VPS13B: variants seen among roughly 807,000 people sequenced by gnomAD.
The protein encoded by VPS13B is vacuolar protein sorting 13 homolog B.
A neutral mutation model predicts 426.4 loss-of-function variants in VPS13B; 285 were observed. The ratio of observed to expected loss-of-function variants is 0.67; its 90% CI spans 0.61 to 0.74. The LOEUF is 0.74. Among genes scored for constraint, VPS13B ranks in the 30% least tolerant of loss-of-function variants. VPS13B has a pLI of 0.00. For synonymous variants in VPS13B, 1,676 were observed against 1,676.4 expected (o/e 1.00, Z 0.01); for missense variants, 4,537 against 4,782.6 (o/e 0.95, Z 1.51).
chr8:99,853,966 A>C lies in VPS13B; in HGVS notation c.10577A>C (p.Asn3526Thr), dbSNP rs769762177. The C allele has an allele frequency of 1.2e-6, 2 of 1,614,196 alleles. No individual in the cohort carries two copies. Among genetic ancestry groups the C allele is most frequent in the East Asian group, 2.2e-5 (1 of 44,882 alleles). ...IKTLFDTYLP[N>T]SRLAGHSTHL... is the part of the protein sequence containing the mutation. ...ACTTTGTTTGACACCTACCTTCCTA[A>C]CAGCAGGTTGGCTGGTCACTCCACA... Residue 3526 changes from asparagine to threonine, a missense_variant, in exon 56 of 62, where the codon AAC becomes ACC. Asn to Thr is a moderately conservative substitution (Grantham distance 65). Transcript: ENST00000357162.
chr8:99,564,357 G>A (rs1825085502), intron 31 of VPS13B, among the ~76,000 whole-genome samples: 1 of 152,180 alleles, frequency 6.6e-6, no homozygotes, highest in African/African-American at 2.4e-5. Context: ...CAACCCTCCT[G>A]AAGCACTTGA....
chr8:99,377,266 A>G (rs1425259733), intron 19 of VPS13B, among the ~76,000 whole-genome samples: 2 of 152,056 alleles, frequency 1.3e-5, no homozygotes, highest in East Asian at 1.9e-4. Context: ...TAAAAACCAT[A>G]TTGTCTCTTC....
Position 99,684,958 on chromosome 8 carries a change from A to AC in VPS13B, c.6047-14567_6047-14566insC, listed in dbSNP as rs1563861747. ...GCTGGGATTACAGGCACCTGCCACCAACCTGGCTAATTTTTTGTATTTTTA... is the reference window on the plus strand; with the variant it reads ...GCTGGGATTACAGGCACCTGCCACCACACCTGGCTAATTTTTTGTATTTTTA... On this transcript the variant is annotated intron_variant, in intron 35 of 61. Transcript: ENST00000357162. Among the ~76,000 whole-genome samples, 2 of 152,212 alleles carry AC rather than the reference A, an allele frequency of 1.3e-5. 1 individual carries two copies. The highest frequency in any genetic ancestry group is 4.1e-4 in the South Asian group (2 of 4,824).
intron 43 of VPS13B, among the ~76,000 whole-genome samples, chr8:99,801,054 C>A (rs1813096627): frequency 6.6e-6 from 1 of 152,138 alleles, no homozygotes; most frequent in Non-Finnish European, 1.5e-5. Context: ...CAAACAGTGA[C>A]TTTCTTGTCA....
chr8:99,574,960 T>G (rs1825704971), intron 31 of VPS13B, among the ~76,000 whole-genome samples: 1 of 152,074 alleles, frequency 6.6e-6, no homozygotes, highest in Non-Finnish European at 1.5e-5. Context: ...GCCTAGGAGT[T>G]CAAGACCAGC....
At chr8:99,592,183 C>T (rs1056148957) in intron 33 of VPS13B, among the ~76,000 whole-genome samples, 4 of 152,194 alleles carry the variant, frequency 2.6e-5, no homozygotes, top group African/African-American at 9.6e-5. Flanking sequence ...TTAAGGTCTT[C>T]TCTACACTGT....
At chr8:99,223,039 G>T (rs140260452) in intron 17 of VPS13B, among the ~76,000 whole-genome samples, 31 of 152,212 alleles carry the variant, frequency 2.0e-4, no homozygotes, top group African/African-American at 7.2e-4. Context: ...GTTTCACCAG[G>T]CTGGGGTTGA....
At chr8:99,577,784 T>C in intron 33 of VPS13B, 151 bp downstream of exon 33, 2 of 1,107,564 alleles carry the variant, frequency 1.8e-6, no homozygotes, top group Non-Finnish European at 2.6e-6. Flanking sequence ...TTTGGATTGA[T>C]ATTCTTTATT....
intron 31 of VPS13B, among the ~76,000 whole-genome samples, chr8:99,565,679 T>G (rs1330847241): frequency 6.6e-6 from 1 of 152,174 alleles, no homozygotes; most frequent in Non-Finnish European, 1.5e-5. Flanking sequence ...TAGTGATTAA[T>G]CAAACATGAG....
At chr8:99,492,653 T>C (rs574658522) in intron 25 of VPS13B, among the ~76,000 whole-genome samples, 1 of 152,326 alleles carries the variant, frequency 6.6e-6, no homozygotes, top group East Asian at 1.9e-4. Flanking sequence ...CAAGCCTCCC[T>C]GGGAGTGGGA....
At chr8:99,156,856 A>C in intron 15 of VPS13B, 113 bp downstream of exon 15, 1 of 944,842 alleles carries the variant, frequency 1.1e-6, no homozygotes. Flanking sequence ...CTAAAAGGTA[A>C]GATTTAAATA....
At chr8:99,070,778 A>G (rs1471900157) in intron 3 of VPS13B, among the ~76,000 whole-genome samples, 1 of 151,744 alleles carries the variant, frequency 6.6e-6, no homozygotes, top group Non-Finnish European at 1.5e-5. Context: ...TCAGTCTTCC[A>G]TTATTCTTTT....
chr8:99,858,081 C>G, intron 56 of VPS13B, among the ~76,000 whole-genome samples: 1 of 152,196 alleles, frequency 6.6e-6, no homozygotes. Context: ...CAGGACTGTC[C>G]TCCTCTTCAG....
intron 43 of VPS13B, among the ~76,000 whole-genome samples, chr8:99,795,873 T>C (rs772942926): frequency 3.2e-4 from 49 of 152,324 alleles, no homozygotes; most frequent in Non-Finnish European, 5.9e-4. Context: ...ATCTTTTATG[T>C]CCTAGCCTCA....
At chr8:99,764,772 A>G (rs964391803) in intron 39 of VPS13B, among the ~76,000 whole-genome samples, 5 of 152,116 alleles carry the variant, frequency 3.3e-5, no homozygotes, top group African/African-American at 1.2e-4. Context: ...ATAGATCTGC[A>G]TGTTACATGT....
intron 19 of VPS13B, among the ~76,000 whole-genome samples, chr8:99,314,660 A>G (rs1338864568): frequency 1.3e-5 from 2 of 152,106 alleles, no homozygotes; most frequent in Non-Finnish European, 2.9e-5. Context: ...TGTTTTGTCC[A>G]GGCTGGTGTG....
chr8:99,699,455 G>C (rs1832179584), intron 35 of VPS13B, 70 bp from the exon 36 acceptor site: 20 of 1,547,940 alleles, frequency 1.3e-5, no homozygotes, highest in Non-Finnish European at 1.8e-5. Context: ...GTAGGAGCTT[G>C]TCAGAGAAGT....
In VPS13B at chr8:99,299,462, G is replaced by A. The variant is rs1820239923; in HGVS notation, c.2824+24208G>A. ...AAATTATGCACATAAAGTATGTAGT[G>A]CAGTTTTTTGGCAAATATTTCTTGT... On this transcript the variant is annotated intron_variant, in intron 19 of 61. Coordinates refer to ENST00000357162, the MANE Select transcript of VPS13B (RefSeq NM_152564.5). Among the ~76,000 whole-genome samples the A allele has an allele frequency of 2.0e-5, 3 of 152,216 alleles. No individual in the cohort carries two copies. The South Asian group carries it at 6.2e-4, about 32-fold the overall frequency.
At chr8:99,482,525 A>G (rs1273538504) in intron 25 of VPS13B, among the ~76,000 whole-genome samples, 1 of 152,218 alleles carries the variant, frequency 6.6e-6, no homozygotes, top group Non-Finnish European at 1.5e-5. Flanking sequence ...GAATAGTCAC[A>G]TGCAATTACT....
Sources: gnomAD v4.1 joint callset for allele counts (sites outside exome capture counted in the v4.1 genomes callset) on GRCh38, gnomAD v4.1.1 for gene constraint, MANE v1.5 for transcripts, NCBI Gene and HGNC (gene_info 2026-07-23, HGNC 2026-07-21) for gene names.